The following SPINT2 variants were observed in gnomAD, a reference collection of about 807,000 sequenced individuals.
SPINT2 encodes the protein serine peptidase inhibitor, Kunitz type 2, also known as kunitz-type protease inhibitor 2.
SPINT2 carries 18 observed loss-of-function variants against 30.1 expected under a neutral mutation model. The ratio of observed to expected loss-of-function variants is 0.60; its 90% CI spans 0.41 to 0.89. The LOEUF is 0.89. Among genes scored for constraint, SPINT2 ranks in the 40% least tolerant of loss-of-function variants. The pLI, the probability that SPINT2 is intolerant of heterozygous loss-of-function variation, is 0.00. For missense variants in SPINT2, 276 were observed against 334.3 expected (o/e 0.83, Z 1.36); for synonymous variants, 139 against 137.9 (o/e 1.01, Z -0.05).
intron 1 of SPINT2, among the ~76,000 whole-genome samples, chr19:38,277,980 A>C (rs1968539308): frequency 6.6e-6 from 1 of 152,216 alleles, no homozygotes; most frequent in Non-Finnish European, 1.5e-5. Flanking sequence ...TTGTGAGCAT[A>C]CAAAATAGCA....
At chr19:38,287,000 A>AG (rs1385207418) in intron 2 of SPINT2, among the ~76,000 whole-genome samples, 2 of 152,098 alleles carry the variant, frequency 1.3e-5, no homozygotes, top group African/African-American at 4.8e-5. Context: ...TGGCCCTGGA[A>AG]GTCACTGTGT....
chr19:38,288,890 G>C (rs1331603891), intron 3 of SPINT2: 1 of 532,318 alleles, frequency 1.9e-6, no homozygotes, highest in African/African-American at 1.9e-5. Flanking sequence ...AATATTAGGA[G>C]CTGTGGCAGG....
chr19:38,280,660 A>G (rs1001949671), intron 1 of SPINT2, among the ~76,000 whole-genome samples: 9 of 152,116 alleles, frequency 5.9e-5, no homozygotes, highest in African/African-American at 2.2e-4. Flanking sequence ...ACACACCCTC[A>G]GGCACATGCC....
intron 1 of SPINT2, among the ~76,000 whole-genome samples, chr19:38,269,607 CTTTTT>C (rs1189751582): frequency 9.4e-6 from 1 of 106,186 alleles, no homozygotes; most frequent in Non-Finnish European, 1.9e-5. Flanking sequence ...GATTTCTTTT[CTTTTT>C]TTTTTTTTTT....
In SPINT2 at chr19:38,264,660, G is replaced by C; in HGVS notation, c.-233G>C. 1 of 542,402 alleles carries C rather than the reference G, an allele frequency of 1.8e-6. No homozygotes were observed. Among genetic ancestry groups the C allele is most frequent in the South Asian group, 2.2e-5 (1 of 46,152 alleles). The allele number at this position is 542,402 out of a possible 1,614,324, so 33.6% of individuals were successfully genotyped here. The stretch of plus-strand genomic sequence containing the variant: ...GCCGTTGAGTGTCGCAGGCGGCGAG[G>C]GCGCGAGTGAGGAGCAGACCCAGGC... On this transcript the variant is annotated 5_prime_UTR_variant, in exon 1 of 7. Transcript: ENST00000301244.
Position 38,264,884 on chromosome 19 carries a change from G to C in SPINT2, c.-9G>C. Reference sequence around the variant, plus strand: ...GTGGCGTCGCCTGCGCGTCTCGGCTGAGCTGGCCATGGCGCAGCTGTGCGG... The same window carrying C: ...GTGGCGTCGCCTGCGCGTCTCGGCTCAGCTGGCCATGGCGCAGCTGTGCGG... On this transcript the variant is annotated 5_prime_UTR_variant, in exon 1 of 7. Transcript: ENST00000301244. The C allele has an allele frequency of 2.0e-6, 3 of 1,533,688 alleles. No individual in the cohort carries two copies. The South Asian group carries it at 3.6e-5, about 18-fold the overall frequency.
chr19:38,265,888 A>G (rs180827273), intron 1 of SPINT2, among the ~76,000 whole-genome samples: 2 of 152,344 alleles, frequency 1.3e-5, no homozygotes, highest in Admixed American at 1.3e-4. Context: ...CTAATATTCC[A>G]GTGGGAGAGG....
intron 1 of SPINT2, among the ~76,000 whole-genome samples, chr19:38,277,606 G>A (rs1968535798): frequency 6.6e-6 from 1 of 152,204 alleles, no homozygotes; most frequent in African/African-American, 2.4e-5. Context: ...CCAGCAGACT[G>A]TAGATTGTTG....
intron 2 of SPINT2, 138 bp from the exon 3 acceptor site, chr19:38,287,738 G>A (rs1430424239): frequency 1.1e-6 from 1 of 908,474 alleles, no homozygotes; most frequent in East Asian, 2.4e-5. Flanking sequence ...CCAAGTTGTG[G>A]TCTGGCATGC....
chr19:38,288,964 G>T (rs780032460), intron 3 of SPINT2, 174 bp from the exon 4 acceptor site: 1 of 655,258 alleles, frequency 1.5e-6, no homozygotes, highest in Non-Finnish European at 2.8e-6. Context: ...CTCAGTGTGT[G>T]CGTAGAGCCC....
At position 38,290,660 on chromosome 19, in the gene SPINT2, C is replaced by T; in HGVS notation, c.592+85C>T. ...CTCAGCCCTGCCCAGCTGTGGTTTA[C>T]ATTATCCTTCACTGTGAACATCATC... On this transcript the variant is annotated intron_variant, in intron 6 of 6. Coordinates refer to ENST00000301244, the MANE Select transcript of SPINT2 (RefSeq NM_021102.4). The surrounding 1 kb of genome is among the most constrained non-coding windows in gnomAD (Gnocchi z 4.3). 8 of 1,502,916 alleles carry T rather than the reference C, an allele frequency of 5.3e-6. No individual in the cohort carries two copies. The highest frequency in any genetic ancestry group is 1.4e-5 in the African/African-American group (1 of 72,532). 93.1% of individuals were successfully genotyped at this position (1,502,916 alleles called of 1,614,324 possible).
At chr19:38,267,675 A>G (rs1304832983) in intron 1 of SPINT2, among the ~76,000 whole-genome samples, 3 of 151,996 alleles carry the variant, frequency 2.0e-5, no homozygotes, top group Non-Finnish European at 2.9e-5. Flanking sequence ...GGAGGAGATC[A>G]GGTGGAGGTC....
At chr19:38,269,161 G>A (rs913543095) in intron 1 of SPINT2, among the ~76,000 whole-genome samples, 1 of 151,650 alleles carries the variant, frequency 6.6e-6, no homozygotes, top group African/African-American at 2.4e-5. Flanking sequence ...GCAGTAGCGC[G>A]ATCTCAGCTC....
Position 38,292,587 on chromosome 19 carries a change from C to T in SPINT2, c.*581C>T, listed in dbSNP as rs1968735726. The T allele has an allele frequency of 6.5e-6, 1 of 153,334 alleles. No individual in the cohort carries two copies. The highest frequency in any genetic ancestry group is 6.5e-5 in the Admixed American group (1 of 15,472). The allele number at this position is 153,334 out of a possible 1,614,324, so 9.5% of individuals were successfully genotyped here. A position where few individuals can be genotyped will look rare whatever the true frequency, so the allele number is the denominator to read the frequency against. On this transcript the variant is annotated 3_prime_UTR_variant, in exon 7 of 7. Coordinates refer to ENST00000301244, the MANE Select transcript of SPINT2 (RefSeq NM_021102.4). ...TTTCAGATCTTTTTGAATGAATCCA[C>T]AAGATGAAATAAATGTCCTATTACT... is the stretch of plus-strand genomic sequence containing the variant.
chr19:38,267,066 C>CTACT (rs1348009390), intron 1 of SPINT2, among the ~76,000 whole-genome samples: 5 of 152,170 alleles, frequency 3.3e-5, no homozygotes, highest in Non-Finnish European at 7.3e-5. Context: ...TGCCCGAGGT[C>CTACT]ACTCGGTAGT....
intron 2 of SPINT2, among the ~76,000 whole-genome samples, chr19:38,287,181 G>C (rs1018989670): frequency 6.6e-6 from 1 of 151,628 alleles, no homozygotes; most frequent in African/African-American, 2.4e-5. Context: ...CTGCCATCAC[G>C]CCTGGCTAAC....
chr19:38,286,268 G>A (rs995248533), intron 2 of SPINT2, among the ~76,000 whole-genome samples: 3 of 152,160 alleles, frequency 2.0e-5, no homozygotes, highest in Admixed American at 6.5e-5. Context: ...CCGCCCCGGG[G>A]AGCAGGCACT....
chr19:38,267,751 C>G (rs1968397476), intron 1 of SPINT2, among the ~76,000 whole-genome samples: 1 of 152,048 alleles, frequency 6.6e-6, no homozygotes, highest in Admixed American at 6.6e-5. Context: ...ATCATAAGAG[C>G]AGCGGGAGAG....
Position 38,264,981 on chromosome 19 carries a change from G to T in SPINT2, c.89G>T (p.Arg30Leu), listed in dbSNP as rs1247322263. The T allele has an allele frequency of 6.5e-7, 1 of 1,533,722 alleles. No individual in the cohort carries two copies. Among genetic ancestry groups the T allele is most frequent in the Admixed American group, 2.0e-5 (1 of 50,790 alleles). The change falls in exon 1 of 7, where the codon CGA becomes CTA. Residue 30 changes from arginine (R) to leucine (L), a missense_variant. Transcript: ENST00000301244. Reference sequence around the variant, plus strand: ...CTCTCTGGGGTCCTGGCGGCCGACCGAGAACGCAGCATCCACGGTGAGGGC... The same window carrying T: ...CTCTCTGGGGTCCTGGCGGCCGACCTAGAACGCAGCATCCACGGTGAGGGC... ...LLLSGVLAADRERSIHDFCLV... is the reference protein window; with the variant it reads ...LLLSGVLAADLERSIHDFCLV...
Sources: allele counts gnomAD v4.1 joint callset (sites outside exome capture counted in the v4.1 genomes callset), GRCh38; gene constraint gnomAD v4.1.1; non-coding constraint Gnocchi (gnomAD v3.1); transcripts MANE v1.5; gene names NCBI Gene and HGNC (gene_info 2026-07-23, HGNC 2026-07-21).